LAMB3: variants seen among roughly 807,000 people sequenced by gnomAD.
LAMB3 encodes the protein laminin subunit beta 3, also known as laminin subunit beta-3.
In LAMB3, 104 loss-of-function variants were observed where a neutral mutation model predicts 140.3. That is an observed-to-expected ratio of 0.74 (90% confidence interval 0.63 to 0.87). The LOEUF (loss-of-function observed/expected upper bound fraction) is 0.87. LAMB3 is among the 40% of genes least tolerant of loss of function. The probability of loss-of-function intolerance (pLI) is 0.00; values close to 1 mark genes in which losing one functional copy is unlikely to be tolerated. For synonymous variants in LAMB3, 592 were observed against 602.9 expected (o/e 0.98, Z 0.26); for missense variants, 1,531 against 1,575.2 (o/e 0.97, Z 0.47).
chr1:209,633,561 TC>T (rs1666774306), intron 6 of LAMB3, among the ~76,000 whole-genome samples: 1 of 144,014 alleles, frequency 6.9e-6, no homozygotes, highest in African/African-American at 2.7e-5. Flanking sequence ...TTTGATTTAT[TC>T]AAAAAAAAAA....
At chr1:209,635,953 G>C (rs988355516) in intron 5 of LAMB3, among the ~76,000 whole-genome samples, 22 of 152,156 alleles carry the variant, frequency 1.4e-4, no homozygotes, top group Non-Finnish European at 7.3e-5. Flanking sequence ...CCTTTGTCCA[G>C]TCTTTCTTGG....
chr1:209,624,881 AGG>A (rs1666361582), intron 14 of LAMB3, among the ~76,000 whole-genome samples: 1 of 11,984 alleles, frequency 8.3e-5, no homozygotes, highest in Non-Finnish European at 1.7e-4. Flanking sequence ...AAAGAGAGAG[AGG>A]AAGGAAGGAA....
intron 3 of LAMB3, among the ~76,000 whole-genome samples, chr1:209,645,938 C>G (rs1371436428): frequency 1.3e-5 from 2 of 152,200 alleles, no homozygotes; most frequent in Non-Finnish European, 2.9e-5. Flanking sequence ...CATTTACATG[C>G]ATGTGCGCCT....
Position 209,615,289 on chromosome 1 carries a change from G to A in LAMB3, c.3501C>T (p.Tyr1167=), listed in dbSNP as rs759625668. The A allele has an allele frequency of 1.3e-5, 21 of 1,614,076 alleles. No individual in the cohort carries two copies. Among genetic ancestry groups the A allele is most frequent in the Middle Eastern group, 1.6e-4 (1 of 6,082 alleles). Residue 1167 remains tyrosine, a synonymous_variant, in exon 23 of 23, where the codon TAC becomes TAT. Transcript: ENST00000356082. ...IRDHINGRVL[Y]YATCK is the part of the protein sequence containing the mutation. ...TGTAGCATCACTTGCAGGTGGCATA[G>A]TAGAGCACGCGCCCATTGATGTGGT...
intron 18 of LAMB3, 105 bp downstream of exon 18, chr1:209,622,431 C>T (rs1306277860): frequency 2.2e-5 from 31 of 1,383,318 alleles, no homozygotes; most frequent in South Asian, 3.5e-5. Context: ...CTGGATGTTG[C>T]AGGCCTGGGA....
At position 209,633,217 on chromosome 1, in the gene LAMB3, A is replaced by G. The variant is rs568551752; in HGVS notation, c.565-84T>C. 18 of 990,806 alleles carry G rather than the reference A, an allele frequency of 1.8e-5. No homozygotes were observed. In the African/African-American group the frequency reaches 2.7e-4, roughly 15 times the overall value. The allele number at this position is 990,806 out of a possible 1,614,324, so 61.4% of individuals were successfully genotyped here. A position where few individuals can be genotyped will look rare whatever the true frequency, so the allele number is the denominator to read the frequency against. ...CAGAAGAAACCTTTCTTTCCATTAT[A>G]TGCCTCACACTTGAAGTCCTTGTTA... On this transcript the variant is annotated intron_variant, in intron 6 of 22. Transcript: ENST00000356082.
Position 209,618,011 on chromosome 1 carries a change from C to T in LAMB3, c.2947G>A (p.Val983Met). 2 of 1,614,202 alleles carry T rather than the reference C, an allele frequency of 1.2e-6. No individual in the cohort carries two copies. Among genetic ancestry groups the T allele is most frequent in the South Asian group, 2.2e-5 (2 of 91,082 alleles). Residue 983 changes from valine to methionine, a missense_variant, in exon 20 of 23, where the codon GTG becomes ATG. Val to Met is a conservative substitution (Grantham distance 21). Coordinates refer to ENST00000356082, the MANE Select transcript of LAMB3 (RefSeq NM_000228.3). ...AHAVEGQVED[V>M]VGNLRQGTVA... ...GTCCCCTGCCGCAGGTTCCCAACCA[C>T]ATCTTCCACCTGGCCCTCCACTGCA...
Position 209,621,106 on chromosome 1 carries a change from G to A in LAMB3, c.2701+1430C>T, listed in dbSNP as rs1254973471. On this transcript the variant is annotated intron_variant, in intron 18 of 22. Transcript: ENST00000356082. ...GACAAAAGGGGCCTGGCAGCTCCCTGTCTGTTCACATGAGCCTCAGCTGCA... is the reference window on the plus strand; with the variant it reads ...GACAAAAGGGGCCTGGCAGCTCCCTATCTGTTCACATGAGCCTCAGCTGCA... 9.2e-5 allele frequency among the ~76,000 whole-genome samples: 14 copies of A among 152,230 alleles called. 1 individual carries two copies. Among genetic ancestry groups the A allele is most frequent in the Admixed American group, 9.2e-4 (14 of 15,280 alleles).
chr1:209,627,841 G>A (rs990544251), intron 11 of LAMB3, among the ~76,000 whole-genome samples, 194 bp downstream of exon 11: 8 of 152,246 alleles, frequency 5.3e-5, no homozygotes, highest in African/African-American at 1.9e-4. Flanking sequence ...CCTGCTGGAG[G>A]CCAGTGGCAC....
intron 2 of LAMB3, 46 bp downstream of exon 2, chr1:209,650,871 T>C (rs753517581): frequency 1.9e-6 from 3 of 1,590,946 alleles, no homozygotes; most frequent in Non-Finnish European, 8.6e-7. Flanking sequence ...GGCTGTTGCC[T>C]CCCTGCCATA....
intron 8 of LAMB3, 96 bp downstream of exon 8, chr1:209,632,481 CTTAGAT>C (rs1267288492): frequency 3.2e-5 from 29 of 912,968 alleles, no homozygotes; most frequent in Middle Eastern, 3.3e-4. Flanking sequence ...ATACCCAAGT[CTTAGAT>C]TTAGTGCCCT....
At chr1:209,634,907 C>A in intron 5 of LAMB3, among the ~76,000 whole-genome samples, 1 of 145,090 alleles carries the variant, frequency 6.9e-6, no homozygotes, top group East Asian at 2.1e-4. Flanking sequence ...GCACAGTTGA[C>A]CATTTTTTAT....
chr1:209,648,126 G>A (rs578051018), intron 3 of LAMB3, among the ~76,000 whole-genome samples: 1 of 152,126 alleles, frequency 6.6e-6, no homozygotes, highest in African/African-American at 2.4e-5. Context: ...CTCTGCAAAG[G>A]GTAGGCATGT....
intron 3 of LAMB3, among the ~76,000 whole-genome samples, chr1:209,645,463 T>C (rs916033690): frequency 5.9e-5 from 9 of 151,958 alleles, no homozygotes; most frequent in African/African-American, 2.2e-4. Context: ...ACACCTGTAA[T>C]CCAGCACTTT....
chr1:209,644,693 GT>G (rs2076500566), intron 3 of LAMB3, among the ~76,000 whole-genome samples: 1 of 152,034 alleles, frequency 6.6e-6, no homozygotes, highest in African/African-American at 2.4e-5. Flanking sequence ...TTCAGAGTTG[GT>G]TTTCAGGAAA....
rs145014090 is a variant in LAMB3 at position 209,618,615 on chromosome 1, C to T, written c.2746G>A (p.Val916Met). The T allele has an allele frequency of 5.1e-5, 83 of 1,614,244 alleles. No homozygotes were observed. The highest frequency in any genetic ancestry group is 3.0e-4 in the Admixed American group (18 of 60,034). ...TCTGTGGGCAGCCACAGGGCCAGCACGGCCTCGCTGACCTCCTGGATAGTG... is the reference window on the plus strand; with the variant it reads ...TCTGTGGGCAGCCACAGGGCCAGCATGGCCTCGCTGACCTCCTGGATAGTG... ...AATIQEVSEA[V>M]LALWLPTDSA... The change falls in exon 19 of 23, where the codon GTG (valine) becomes ATG (methionine). Residue 916 changes from valine (V) to methionine (M), a missense_variant. Transcript: ENST00000356082.
chr1:209,620,893 T>G (rs1666164733), intron 18 of LAMB3, among the ~76,000 whole-genome samples: 1 of 152,170 alleles, frequency 6.6e-6, no homozygotes, highest in East Asian at 1.9e-4. Flanking sequence ...ACTGTGACCC[T>G]ATATCGGACA....
intron 13 of LAMB3, among the ~76,000 whole-genome samples, chr1:209,626,458 C>A (rs1431521584): frequency 6.6e-6 from 1 of 152,216 alleles, no homozygotes; most frequent in Non-Finnish European, 1.5e-5. Context: ...CTGCACACTC[C>A]AAGGCCTGTG....
chr1:209,646,810 T>C (rs1346637130), intron 3 of LAMB3, among the ~76,000 whole-genome samples: 1 of 152,212 alleles, frequency 6.6e-6, no homozygotes, highest in African/African-American at 2.4e-5. Flanking sequence ...CATTCTTTTA[T>C]AGAGTGCTCA....
Sources: gnomAD v4.1 joint callset for allele counts (sites outside exome capture counted in the v4.1 genomes callset) on GRCh38, gnomAD v4.1.1 for gene constraint, MANE v1.5 for transcripts, NCBI Gene and HGNC (gene_info 2026-07-23, HGNC 2026-07-21) for gene names.